SMUG1: variants seen among roughly 807,000 people sequenced by gnomAD.
SMUG1 encodes the protein single-strand-selective monofunctional uracil-DNA glycosylase 1.
In SMUG1, 13 loss-of-function variants were observed where a neutral mutation model predicts 23.9. The ratio of observed to expected loss-of-function variants is 0.54; its 90% confidence interval spans 0.35 to 0.86. The LOEUF is 0.86. Among genes scored for constraint, SMUG1 ranks in the 40% least tolerant of loss-of-function variants. The pLI, the probability that SMUG1 is intolerant of heterozygous loss-of-function variation, is 0.01. For synonymous variants in SMUG1, 133 were observed against 139.8 expected (o/e 0.95, Z 0.34); for missense variants, 313 against 339.5 (o/e 0.92, Z 0.61).
rs1942202333 is a variant in SMUG1 at position 54,185,496 on chromosome 12, ATAAATAAATAAATAAATAAATAAATAAAT to A, written c.-19-1566_-19-1538del. Among the ~76,000 whole-genome samples the A allele has an allele frequency of 1.0e-4, 10 of 99,164 alleles. 3 individuals carry two copies. The highest frequency in any genetic ancestry group is 9.6e-4 in the South Asian group (3 of 3,116). 65.1% of individuals were successfully genotyped at this position (99,164 alleles called of 152,430 possible). ...AAAAAATAAAATAAAAAATAAATAA[ATAAATAAATAAATAAATAAATAAATAAAT>A]AAATTTGCCGGGCGCAACAGCTCAT... On this transcript the variant is annotated intron_variant, in intron 2 of 3. Transcript: ENST00000682136.
downstream of SMUG1, among the ~76,000 whole-genome samples, chr12:54,176,507 T>TCCCCA (rs1555199082): frequency 1.1e-3 from 72 of 64,472 alleles, 8 homozygotes; most frequent in South Asian, 7.5e-3. Flanking sequence ...GAAGATCCTG[T>TCCCCA]CCCCCCCCAA....
In SMUG1 at chr12:54,185,477, TA is replaced by T. The variant is rs1565832277; in HGVS notation, c.-19-1519del. Among the ~76,000 whole-genome samples the T allele has an allele frequency of 9.5e-3, 548 of 57,508 alleles. 28 individuals carry two copies. Among genetic ancestry groups the T allele is most frequent in the African/African-American group, 0.028 (513 of 18,106 alleles). 37.7% of individuals were successfully genotyped at this position (57,508 alleles called of 152,430 possible). ...AGCAAGACTCCATCTCAAAAAAAAA[TA>T]AAATAAAAAATAAATAAATAAATAA... On this transcript the variant is annotated intron_variant, in intron 2 of 3. Transcript: ENST00000682136.
downstream of SMUG1, among the ~76,000 whole-genome samples, chr12:54,177,634 G>A (rs576434304): frequency 2.0e-5 from 3 of 151,580 alleles, no homozygotes; most frequent in South Asian, 2.1e-4. Flanking sequence ...GCAACTAAAG[G>A]CTCCATTCTC....
chr12:54,187,005 A>AC (rs1419989962), intron 2 of SMUG1: 1 of 152,068 alleles, frequency 6.6e-6, no homozygotes. Flanking sequence ...ACATAATGAG[A>AC]CCCCATCTGT....
intron 3 of SMUG1, chr12:54,168,653 A>C (rs1940544534): frequency 6.6e-6 from 1 of 152,156 alleles, no homozygotes; most frequent in Non-Finnish European, 1.5e-5. Flanking sequence ...AATGACTCAG[A>C]TTAGGTGTGC....
Position 54,182,385 on chromosome 12 carries a change from C to A in SMUG1, c.524G>T (p.Arg175Leu), listed in dbSNP as rs541683930. 4.6e-5 allele frequency: 74 copies of A among 1,614,022 alleles called. No individual in the cohort carries two copies. The Middle Eastern group carries it at 4.9e-4, about 11-fold the overall frequency. The change falls in exon 4 of 4, where the codon CGC becomes CTC. Residue 175 changes from arginine to leucine, a missense_variant. Coordinates refer to ENST00000682136, the MANE Select transcript of SMUG1 (RefSeq NM_001243787.2). ...AGGCAGCTCAGCAGGAGTAAGGTTG[C>A]GCCCGCTGGGAGCCAGGAAAAGCAG... ...CPLLFLAPSG[R>L]NLTPAELPAK...
At chr12:54,161,192 C>T (rs1280684581), downstream of SMUG1, among the ~76,000 whole-genome samples, 3 of 151,986 alleles carry the variant, frequency 2.0e-5, no homozygotes, top group Non-Finnish European at 4.4e-5. The surrounding 1 kb of genome is among the most constrained non-coding windows in gnomAD (Gnocchi z 4.2). Context: ...CCTGGGCACC[C>T]GTTTGCCAGG....
rs1362289255 is a variant in SMUG1 at position 54,181,357 on chromosome 12, TATGTA to T, written c.*734_*738del. On this transcript the variant is annotated 3_prime_UTR_variant, in exon 4 of 4. Coordinates refer to ENST00000682136, the MANE Select transcript of SMUG1 (RefSeq NM_001243787.2). ...CCCAGAGGCAAGAAAACAAGAAGAC[TATGTA>T]ATGAGCACCCACATGCCAAGCCCAT... 1 of 600,138 alleles carries T rather than the reference TATGTA, an allele frequency of 1.7e-6. No individual in the cohort carries two copies. Among genetic ancestry groups the T allele is most frequent in the Non-Finnish European group, 2.9e-6 (1 of 339,278 alleles). 37.2% of individuals were successfully genotyped at this position (600,138 alleles called of 1,614,324 possible).
intron 2 of SMUG1, among the ~76,000 whole-genome samples, chr12:54,186,471 T>C (rs1169354741): frequency 1.3e-5 from 2 of 152,062 alleles, no homozygotes; most frequent in African/African-American, 4.8e-5. Flanking sequence ...GCCTCCTGGG[T>C]ACTGGGATTA....
At chr12:54,164,333 CTG>C (rs147151372), downstream of SMUG1, 17,743 of 152,294 alleles carry the variant, frequency 0.12, 1,128 homozygotes, top group East Asian at 0.19. Context: ...AAGGGGAAGA[CTG>C]GAGTCCAGGT....
intron 3 of SMUG1, 93 bp downstream of exon 3, chr12:54,183,563 C>T: frequency 7.7e-7 from 1 of 1,301,118 alleles, no homozygotes; most frequent in Non-Finnish European, 1.1e-6. Context: ...CACATGTCTA[C>T]AGCCATGCAC....
In SMUG1 at chr12:54,181,500, A is replaced by C. The variant is rs1267444881; in HGVS notation, c.*596T>G. On this transcript the variant is annotated 3_prime_UTR_variant, in exon 4 of 4. Transcript: ENST00000682136. ...GCATAGAGAGGTTTATTAATTTGTC[A>C]ATCAAAAAGTTCCAAGTTTCAAAGC... 1 of 1,486,248 alleles carries C rather than the reference A, an allele frequency of 6.7e-7. No homozygotes were observed. The highest frequency in any genetic ancestry group is 2.5e-5 in the East Asian group (1 of 40,688). 92.1% of individuals were successfully genotyped at this position (1,486,248 alleles called of 1,614,324 possible).
downstream of SMUG1, among the ~76,000 whole-genome samples, chr12:54,175,514 C>T (rs1940730698): frequency 6.6e-6 from 1 of 152,204 alleles, no homozygotes; most frequent in Admixed American, 6.5e-5. Flanking sequence ...CAAATATCCA[C>T]TCCATGGAGG....
chr12:54,173,247 G>GC (rs1156448430), intron 2 of SMUG1: 4 of 153,904 alleles, frequency 2.6e-5, no homozygotes, highest in African/African-American at 9.6e-5. Context: ...CAGACACCCA[G>GC]CGAGAGAGCA....
chr12:54,183,596 C>G lies in SMUG1; in HGVS notation c.285+60G>C, dbSNP rs767325575. 23 of 1,570,726 alleles carry G rather than the reference C, an allele frequency of 1.5e-5. No individual in the cohort carries two copies. The East Asian group carries it at 4.7e-4, about 32-fold the overall frequency. ...CACATGCTCCTTCTCCACAGCACAC[C>G]CAGCCAAGCATCCACCTAGAACCCC... On this transcript the variant is annotated intron_variant, in intron 3 of 3. Coordinates refer to ENST00000682136, the MANE Select transcript of SMUG1 (RefSeq NM_001243787.2).
At chr12:54,165,188 A>G (rs1278411007) in intron 4 of SMUG1, among the ~76,000 whole-genome samples, 1 of 152,074 alleles carries the variant, frequency 6.6e-6, no homozygotes, top group East Asian at 1.9e-4. Flanking sequence ...GTTCACTCTC[A>G]TGGCAACCCC....
downstream of SMUG1, among the ~76,000 whole-genome samples, chr12:54,176,519 A>G (rs1275668416): frequency 3.3e-5 from 1 of 30,346 alleles, no homozygotes; most frequent in African/African-American, 1.3e-4. Context: ...CCCCCCCAAA[A>G]AAAAAGGCCG....
chr12:54,183,710 C>T lies in SMUG1; in HGVS notation c.231G>A (p.Lys77=), dbSNP rs909144928. 5 of 1,613,846 alleles carry T rather than the reference C, an allele frequency of 3.1e-6. No homozygotes were observed. The highest frequency in any genetic ancestry group is 4.2e-6 in the Non-Finnish European group (5 of 1,179,896). Residue 77 remains lysine (K), a synonymous_variant, in exon 3 of 4, where the codon AAG becomes AAA. Coordinates refer to ENST00000682136, the MANE Select transcript of SMUG1 (RefSeq NM_001243787.2). ...GGTTCATGCCCAGGAAGAGTACTTC[C>T]TTGGGGCCCTGGCAGTAGCGAGTCA... ...NYVTRYCQGP[K]EVLFLGMNPG...
At chr12:54,165,450 T>C (rs1940424888) in exon 4 of SMUG1, 1 of 152,316 alleles carries the variant, frequency 6.6e-6, no homozygotes, top group African/African-American at 2.4e-5. Context: ...GGCAAGAGGA[T>C]AGCTTCAGCC....
Sources: allele counts gnomAD v4.1 joint callset (sites outside exome capture counted in the v4.1 genomes callset), GRCh38; gene constraint gnomAD v4.1.1; non-coding constraint Gnocchi (gnomAD v3.1); transcripts MANE v1.5; gene names NCBI Gene and HGNC (gene_info 2026-07-23, HGNC 2026-07-21).